Variants in DLG2 observed in about 807,000 individuals in gnomAD.
DLG2 encodes the protein discs large MAGUK scaffold protein 2, also known as disks large homolog 2.
DLG2 carries 45 observed loss-of-function variants against 132.5 expected under a neutral mutation model. The observed-to-expected ratio is 0.34, with a 90% CI of 0.27 to 0.44. The LOEUF is 0.44. DLG2 is among the 20% of genes least tolerant of loss of function. The pLI is 1.00. For synonymous variants in DLG2, 424 were observed against 419.6 expected (o/e 1.01, Z -0.13); for missense variants, 1,045 against 1,196.9 (o/e 0.87, Z 1.87).
intron 7 of DLG2, among the ~76,000 whole-genome samples, chr11:84,328,248 G>A (rs974193284): frequency 4.6e-5 from 7 of 151,462 alleles, no homozygotes; most frequent in Non-Finnish European, 7.4e-5. Context: ...GGGGGGAAGT[G>A]AAGAGGAAAA....
chr11:84,640,413 G>T (rs548591492), intron 6 of DLG2: 37 of 416,208 alleles, frequency 8.9e-5, no homozygotes, highest in Admixed American at 7.5e-4. Flanking sequence ...CCAGAACGAT[G>T]AATTAATCTT....
intron 11 of DLG2, among the ~76,000 whole-genome samples, chr11:84,013,417 T>C (rs926934620): frequency 6.6e-6 from 1 of 152,156 alleles, no homozygotes; most frequent in African/African-American, 2.4e-5. Flanking sequence ...AATAAATAAC[T>C]GCAGCATCAG....
intron 7 of DLG2, among the ~76,000 whole-genome samples, chr11:84,270,450 T>C (rs1022077283): frequency 6.6e-6 from 1 of 152,228 alleles, no homozygotes; most frequent in Non-Finnish European, 1.5e-5. Context: ...GGTTTCCTTC[T>C]TCTCTGAAGA....
chr11:84,554,148 T>C (rs1197131541), intron 6 of DLG2, among the ~76,000 whole-genome samples: 3 of 152,246 alleles, frequency 2.0e-5, no homozygotes, highest in Non-Finnish European at 4.4e-5. Context: ...TTTGTAGTTC[T>C]GTGTGTTTTA....
intron 3 of DLG2, among the ~76,000 whole-genome samples, chr11:85,579,770 T>C (rs1340119815): frequency 6.6e-6 from 1 of 152,098 alleles, no homozygotes; most frequent in Non-Finnish European, 1.5e-5. Flanking sequence ...CACTGTAACC[T>C]CTGCCTCCTG....
chr11:85,455,440 T>A (rs2092390144), intron 3 of DLG2, among the ~76,000 whole-genome samples: 1 of 152,192 alleles, frequency 6.6e-6, no homozygotes, highest in Non-Finnish European at 1.5e-5. Flanking sequence ...CTATAGAGTT[T>A]GCTAGATATT....
At chr11:83,759,385 C>G (rs1203570142) in intron 18 of DLG2, among the ~76,000 whole-genome samples, 1 of 152,214 alleles carries the variant, frequency 6.6e-6, no homozygotes, top group Non-Finnish European at 1.5e-5. Context: ...CGGTGAATAG[C>G]AAGGGAACAG....
chr11:85,515,365 G>A (rs1366474475), intron 3 of DLG2, among the ~76,000 whole-genome samples: 4 of 151,922 alleles, frequency 2.6e-5, no homozygotes, highest in South Asian at 2.1e-4. Flanking sequence ...TGATTAATAC[G>A]TGGTTAAACT....
intron 18 of DLG2, among the ~76,000 whole-genome samples, chr11:83,696,569 T>G (rs149143171): frequency 6.6e-6 from 1 of 152,300 alleles, no homozygotes; most frequent in African/African-American, 2.4e-5. Context: ...TGAGGAGACT[T>G]GAAGTCCATA....
chr11:85,225,672 TCTC>T (rs944925706), intron 4 of DLG2, among the ~76,000 whole-genome samples: 1 of 151,992 alleles, frequency 6.6e-6, no homozygotes, highest in Non-Finnish European at 1.5e-5. Flanking sequence ...TCTTTCCTTT[TCTC>T]TTCTCTCTGT....
intron 7 of DLG2, among the ~76,000 whole-genome samples, chr11:84,336,058 C>T (rs753379008): frequency 1.3e-5 from 2 of 152,178 alleles, no homozygotes; most frequent in Non-Finnish European, 2.9e-5. Flanking sequence ...CAAATAGCTT[C>T]TTTCAAGATT....
chr11:83,924,947 G>T (rs2078681253), intron 15 of DLG2, among the ~76,000 whole-genome samples: 1 of 152,102 alleles, frequency 6.6e-6, no homozygotes, highest in Admixed American at 6.6e-5. Flanking sequence ...GGCTAGGTGT[G>T]GACGGGGCCA....
chr11:84,387,222 C>G (rs1259289505), intron 7 of DLG2, among the ~76,000 whole-genome samples: 2 of 152,106 alleles, frequency 1.3e-5, no homozygotes, highest in African/African-American at 4.8e-5. Flanking sequence ...GTACCTTCCC[C>G]TTGAGTTGAA....
chr11:83,649,576 T>C (rs2069395068), intron 18 of DLG2, among the ~76,000 whole-genome samples: 1 of 152,150 alleles, frequency 6.6e-6, no homozygotes, highest in Non-Finnish European at 1.5e-5. Flanking sequence ...TTCTCAAGAT[T>C]CAGTTTATGT....
intron 11 of DLG2, among the ~76,000 whole-genome samples, chr11:84,043,125 A>G (rs2096138049): frequency 6.6e-6 from 1 of 151,442 alleles, no homozygotes. Flanking sequence ...TATTGCTTAA[A>G]TTTATTTAAG....
chr11:84,505,467 C>CT (rs909211953), intron 7 of DLG2, among the ~76,000 whole-genome samples: 26 of 152,180 alleles, frequency 1.7e-4, no homozygotes, highest in African/African-American at 6.0e-4. Flanking sequence ...GTAAAAATCA[C>CT]TGCAAGTATT....
intron 5 of DLG2, among the ~76,000 whole-genome samples, chr11:85,122,969 ATT>A (rs1175644391): frequency 1.2e-5 from 1 of 86,892 alleles, no homozygotes; most frequent in Non-Finnish European, 2.1e-5. Context: ...ATATATATAT[ATT>A]TTTTTTTTTT....
chr11:83,963,023 G>A lies in DLG2; in HGVS notation c.1202C>T (p.Ser401Phe). 4 of 1,612,552 alleles carry A rather than the reference G, an allele frequency of 2.5e-6. No individual in the cohort carries two copies. The highest frequency in any genetic ancestry group is 3.4e-6 in the Non-Finnish European group (4 of 1,178,744). ...DPYGPPDITHSYSPPMENHLL... is the reference protein window; with the variant it reads ...DPYGPPDITHFYSPPMENHLL... ...ATGGTTTTCCATTGGTGGAGAATAA[G>A]CTAAGAGGTGGGGGAAAAAGAGAAA... is the stretch of plus-strand genomic sequence containing the variant. The change falls in exon 14 of 28, where the codon TCT becomes TTT. Residue 401 changes from serine (S) to phenylalanine (F), a missense_variant and splice_region_variant. Ser to Phe is a radical substitution (Grantham distance 155). Coordinates refer to ENST00000376104, the MANE Select transcript of DLG2 (RefSeq NM_001142699.3).
At chr11:85,236,607 A>T (rs1036052719) in intron 4 of DLG2, among the ~76,000 whole-genome samples, 11 of 152,046 alleles carry the variant, frequency 7.2e-5, no homozygotes, top group African/African-American at 1.9e-4. Context: ...GGGCTTCAAC[A>T]TACGAATTTC....
Sources: allele counts gnomAD v4.1 joint callset (sites outside exome capture counted in the v4.1 genomes callset), GRCh38; gene constraint gnomAD v4.1.1; transcripts MANE v1.5; gene names NCBI Gene and HGNC (gene_info 2026-07-23, HGNC 2026-07-21).